Variants in SLC4A1 observed in about 807,000 individuals in gnomAD.
The protein encoded by SLC4A1 is solute carrier family 4 member 1 (Diego blood group), also known as band 3 anion transport protein.
SLC4A1 carries 29 observed loss-of-function variants against 93.1 expected under a neutral mutation model. The ratio of observed to expected loss-of-function variants is 0.31; its 90% CI spans 0.23 to 0.42. The LOEUF is 0.42. Ranked by LOEUF, SLC4A1 falls within the 20% of genes least tolerant of loss-of-function variation. The pLI, the probability that SLC4A1 is intolerant of heterozygous loss-of-function variation, is 1.00. For missense variants in SLC4A1, 965 were observed against 1,190.1 expected, an observed-to-expected ratio of 0.81 and a Z score of 2.78; for synonymous variants, 469 against 497.2, an observed-to-expected ratio of 0.94 and a Z score of 0.76.
At chr17:44,261,666 C>T in intron 3 of SLC4A1, 30 bp from the exon 4 acceptor site, 1 of 1,614,008 alleles carries the variant, frequency 6.2e-7, no homozygotes, top group South Asian at 1.1e-5. Flanking sequence ...TAGTATTGAC[C>T]TGACCGTCCC....
Position 44,258,496 on chromosome 17 carries a change from A to G in SLC4A1, c.1004T>C (p.Leu335Pro). The change falls in exon 10 of 20, where the codon CTG becomes CCG. Residue 335 changes from leucine to proline, a missense_variant. Physicochemically the swap from Leu to Pro is moderately conservative, Grantham distance 98 (BLOSUM62 -3). Coordinates refer to ENST00000262418, the MANE Select transcript of SLC4A1 (RefSeq NM_000342.4). The surrounding 1 kb of genome is among the most constrained non-coding windows in gnomAD (Gnocchi z 6.1). ...AAGTAGCTCCCTCTGCACAGGCACC[A>G]GACTGAGCAGTGCCTGCTCGGAGGG... ...DAPSEQALLS[L>P]VPVQRELLRR... The G allele has an allele frequency of 6.2e-7, 1 of 1,613,996 alleles. No individual in the cohort carries two copies. The highest frequency in any genetic ancestry group is 8.5e-7 in the Non-Finnish European group (1 of 1,179,934).
intron 7 of SLC4A1, 81 bp from the exon 8 acceptor site, chr17:44,259,662 G>A (rs565779820): frequency 1.5e-5 from 23 of 1,523,380 alleles, no homozygotes; most frequent in African/African-American, 6.9e-5. Context: ...TCCCATTCTC[G>A]CTTCCCAACT....
At position 44,260,767 on chromosome 17, in the gene SLC4A1, G is replaced by C; in HGVS notation, c.217C>G (p.Leu73Val). 6.2e-7 allele frequency: 1 copy of C among 1,613,930 alleles called. No individual in the cohort carries two copies. Among genetic ancestry groups the C allele is most frequent in the Non-Finnish European group, 8.5e-7 (1 of 1,180,032 alleles). Reference sequence around the variant, plus strand: ...CAGCGCGCCGCCTCCATCCATCTCAGCTCCTGGTTCTTTTCGTCCATCACC... The same window carrying C: ...CAGCGCGCCGCCTCCATCCATCTCACCTCCTGGTTCTTTTCGTCCATCACC... ...ELVMDEKNQE[L>V]RWMEAARWVQ... Residue 73 changes from leucine (L) to valine (V), a missense_variant, in exon 5 of 20, where the codon CTG (leucine) becomes GTG (valine). Leu to Val is a conservative substitution (Grantham distance 32, BLOSUM62 1). Around this residue, in one of 2 missense-constraint regions of SLC4A1, gnomAD observed 195 missense variants for 183.5 expected, o/e 1.06. Transcript: ENST00000262418.
intron 16 of SLC4A1, 123 bp downstream of exon 16, chr17:44,254,373 G>C: frequency 2.3e-6 from 2 of 862,156 alleles, no homozygotes; most frequent in South Asian, 1.4e-5. Context: ...CCTGCTAGTC[G>C]GGAGGGCCAC....
chr17:44,262,280 C>T (rs1211073286), intron 3 of SLC4A1, among the ~76,000 whole-genome samples: 1 of 152,184 alleles, frequency 6.6e-6, no homozygotes, highest in Admixed American at 6.5e-5. Flanking sequence ...AGGGTCCCCA[C>T]AAGCCCCTCA....
chr17:44,252,330 C>T lies in SLC4A1; in HGVS notation c.2312-742G>A, dbSNP rs80070773. Among the ~76,000 whole-genome samples the T allele has an allele frequency of 8.2e-3, 1,251 of 152,222 alleles. 42 individuals carry two copies. The highest frequency in any genetic ancestry group is 0.064 in the Admixed American group (976 of 15,286). ...ACAGGCGTGAGCCACAACCCCCGGC[C>T]TCTATCGGTCCTTTTTATAGGTATT... is the stretch of plus-strand genomic sequence containing the variant. On this transcript the variant is annotated intron_variant, in intron 17 of 19. Transcript: ENST00000262418.
intron 4 of SLC4A1, among the ~76,000 whole-genome samples, 200 bp from the exon 5 acceptor site, chr17:44,261,015 C>T (rs1397327607): frequency 6.6e-6 from 1 of 152,176 alleles, no homozygotes; most frequent in Non-Finnish European, 1.5e-5. Flanking sequence ...TTTGGAGAAC[C>T]CTGACCCAAA....
chr17:44,257,748 C>T lies in SLC4A1; in HGVS notation c.1342G>A (p.Gly448Ser), dbSNP rs2047402637. The T allele has an allele frequency of 3.1e-6, 5 of 1,613,922 alleles. No homozygotes were observed. The highest frequency in any genetic ancestry group is 4.2e-6 in the Non-Finnish European group (5 of 1,180,040). ...SELLISTAVQ[G>S]ILFALLGAQP... ...GCCCCCAGCAGGGCGAAGAGAATGC[C>T]CTGCACTGCAGTGGAGATCAGCAGC... Residue 448 changes from glycine to serine, a missense_variant, in exon 12 of 20, where the codon GGC becomes AGC. By Grantham distance (56) the Gly-to-Ser change is moderately conservative (BLOSUM62 0). Coordinates refer to ENST00000262418, the MANE Select transcript of SLC4A1 (RefSeq NM_000342.4).
Position 44,262,982 on chromosome 17 carries a change from C to A in SLC4A1, c.-68-48G>T, listed in dbSNP as rs544942549. The stretch of plus-strand genomic sequence containing the variant: ...AGTGGGGCACAGGGCATCCCAGGGT[C>A]TCCTGGTCCTCCTCCAGAGGGGGCC... On this transcript the variant is annotated intron_variant, in intron 1 of 19. Transcript: ENST00000262418. 6.8e-5 allele frequency: 102 copies of A among 1,497,764 alleles called. No homozygotes were observed. In the East Asian group the frequency reaches 2.2e-3, roughly 32 times the overall value. The allele number at this position is 1,497,764 out of a possible 1,614,324, so 92.8% of individuals were successfully genotyped here. A position where few individuals can be genotyped will look rare whatever the true frequency, so the allele number is the denominator to read the frequency against.
chr17:44,251,211 G>A lies in SLC4A1; in HGVS notation c.2603C>T (p.Pro868Leu), dbSNP rs121912759. The A allele has an allele frequency of 4.5e-4, 720 of 1,613,844 alleles. 4 individuals are homozygous for A. The highest frequency in any genetic ancestry group is 9.6e-5 in the Non-Finnish European group (113 of 1,179,928). Reference protein sequence around the residue: ...ALPFVLILTVPLRRVLLPLIF... With the variant: ...ALPFVLILTVLLRRVLLPLIF... ...GAGCGGCAGCAGGACGCGCCGCAGCGGCACAGTGAGGATGAGGACGAAGGG... is the reference window on the plus strand; with the variant it reads ...GAGCGGCAGCAGGACGCGCCGCAGCAGCACAGTGAGGATGAGGACGAAGGG... The change falls in exon 19 of 20, where the codon CCG becomes CTG. Residue 868 changes from proline to leucine, a missense_variant. Physicochemically the swap from Pro to Leu is moderately conservative, Grantham distance 98. This residue lies in a region of SLC4A1 where 770 missense variants were observed against 1,006.6 expected (regional missense o/e 0.76). Coordinates refer to ENST00000262418, the MANE Select transcript of SLC4A1 (RefSeq NM_000342.4).
rs146305310 is a variant in SLC4A1, at chr17:44,257,475, C to T, written c.1501G>A (p.Val501Met). ...CCCTCGAAGGCCACCACCAACACCACCAGCAGGATGAGCCAGAAGCCGATC... is the reference window on the plus strand; with the variant it reads ...CCCTCGAAGGCCACCACCAACACCATCAGCAGGATGAGCCAGAAGCCGATC... ...VWIGFWLILL[V>M]VLVVAFEGSF... Residue 501 changes from valine (V) to methionine (M), a missense_variant, in exon 13 of 20, where the codon GTG becomes ATG. Physicochemically the swap from Val to Met is conservative, Grantham distance 21 (BLOSUM62 1). Around this residue, in one of 2 missense-constraint regions of SLC4A1, gnomAD observed 770 missense variants for 1,006.6 expected, o/e 0.76. Transcript: ENST00000262418. 36 of 1,613,722 alleles carry T rather than the reference C, an allele frequency of 2.2e-5. No individual in the cohort carries two copies. The highest frequency in any genetic ancestry group is 2.9e-5 in the Non-Finnish European group (34 of 1,179,966).
rs2047358005 is a variant in SLC4A1 at position 44,253,195 on chromosome 17, C to T, written c.2234G>A (p.Ser745Asn). The change falls in exon 17 of 20, where the codon AGC (serine) becomes AAC (asparagine). Residue 745 changes from serine (S) to asparagine (N), a missense_variant. Transcript: ENST00000262418. ...GATCTGGGCTGCAGCCCCTGGGGTGCTGGCTTTGCCCATGACAGTGAGGGC... is the reference window on the plus strand; with the variant it reads ...GATCTGGGCTGCAGCCCCTGGGGTGTTGGCTTTGCCCATGACAGTGAGGGC... ...ANALTVMGKA[S>N]TPGAAAQIQE... The T allele has an allele frequency of 6.2e-7, 1 of 1,613,784 alleles. No individual in the cohort carries two copies. The highest frequency in any genetic ancestry group is 1.1e-5 in the South Asian group (1 of 91,088).
rs867176915 is a variant in SLC4A1 at position 44,262,664 on chromosome 17, G to A, written c.78C>T (p.Ile26=). Reference sequence around the variant, plus strand: ...CCGGCTCCTCCATCTGGGACTCGGGGATGTCTGGGTCTTCATATTCCTCCT... The same window carrying A: ...CCGGCTCCTCCATCTGGGACTCGGGAATGTCTGGGTCTTCATATTCCTCCT... ...LEQEEYEDPD[I]PESQMEEPAA... The change falls in exon 3 of 20, where the codon ATC becomes ATT. Residue 26 remains isoleucine (I), a synonymous_variant. Coordinates refer to ENST00000262418, the MANE Select transcript of SLC4A1 (RefSeq NM_000342.4). The A allele has an allele frequency of 6.2e-7, 1 of 1,613,750 alleles. No individual in the cohort carries two copies. The highest frequency in any genetic ancestry group is 1.1e-5 in the South Asian group (1 of 90,992).
At position 44,249,044 on chromosome 17, in the gene SLC4A1, T is replaced by C. The variant is rs2047317123; in HGVS notation, c.*1414A>G. 2.8e-6 allele frequency: 1 copy of C among 356,098 alleles called. No individual in the cohort carries two copies. The allele number at this position is 356,098 out of a possible 1,614,324, so 22.1% of individuals were successfully genotyped here. ...ACCCAGCTAATTTTTGTATTTTTAG[T>C]AGTAACGGGGTTTCACCATGTTGGC... On this transcript the variant is annotated 3_prime_UTR_variant, in exon 20 of 20. Transcript: ENST00000262418.
Position 44,257,800 on chromosome 17 carries a change from C to A in SLC4A1, c.1290G>T (p.Lys430Asn). 1 of 1,613,730 alleles carries A rather than the reference C, an allele frequency of 6.2e-7. No homozygotes were observed. Among genetic ancestry groups the A allele is most frequent in the African/African-American group, 1.3e-5 (1 of 75,030 alleles). Residue 430 changes from lysine to asparagine, a missense_variant, in exon 12 of 20, where the codon AAG (lysine) becomes AAT (asparagine). By Grantham distance (94) the Lys-to-Asn change is moderately conservative. Coordinates refer to ENST00000262418, the MANE Select transcript of SLC4A1 (RefSeq NM_000342.4). Reference sequence around the variant, plus strand: ...CCGACACTCCCATCTGGTTCCGGGTCTTTTCTCCTGTGGGTAGAGGTCACA... The same window carrying A: ...CCGACACTCCCATCTGGTTCCGGGTATTTTCTCCTGTGGGTAGAGGTCACA... ...AITFGGLLGE[K>N]TRNQMGVSEL...
chr17:44,256,993 C>A (rs2521603), intron 13 of SLC4A1, among the ~76,000 whole-genome samples: 2 of 142,386 alleles, frequency 1.4e-5, no homozygotes, highest in Non-Finnish European at 3.1e-5. Context: ...ATGGCTCAGT[C>A]TTTTTTTTTT....
chr17:44,266,879 T>C (rs550680166), intron 1 of SLC4A1, among the ~76,000 whole-genome samples: 2 of 152,250 alleles, frequency 1.3e-5, no homozygotes, highest in East Asian at 3.9e-4. Flanking sequence ...GAGAGGGGAT[T>C]GACCAGATGA....
intron 3 of SLC4A1, chr17:44,262,166 C>T (rs1369830514): frequency 3.0e-6 from 2 of 664,920 alleles, no homozygotes; most frequent in Non-Finnish European, 3.9e-6. Context: ...ATCTCCAGCA[C>T]TTAAGTCCTG....
intron 1 of SLC4A1, among the ~76,000 whole-genome samples, chr17:44,267,399 G>A (rs927329829): frequency 2.0e-5 from 3 of 152,236 alleles, no homozygotes; most frequent in African/African-American, 7.2e-5. Flanking sequence ...AAGGGGCTTA[G>A]AACAGTGCCT....
Sources: gnomAD v4.1 joint callset for allele counts (sites outside exome capture counted in the v4.1 genomes callset) on GRCh38, gnomAD v4.1.1 for gene constraint, gnomAD v4.1.1 regional missense constraint, Gnocchi (gnomAD v3.1) non-coding constraint, MANE v1.5 for transcripts, NCBI Gene and HGNC (gene_info 2026-07-23, HGNC 2026-07-21) for gene names.